The following NKX6-3 variants were observed in gnomAD, a reference collection of about 807,000 sequenced individuals.
NKX6-3 encodes NK6 homeobox 3, also known as homeobox protein Nkx-6.3.
Under a neutral mutation model 22.0 loss-of-function variants are expected in NKX6-3, and 17 were observed. The ratio of observed to expected loss-of-function variants is 0.77; its 90% CI spans 0.53 to 1.16. NKX6-3 has a LOEUF of 1.16. Among genes scored for constraint, NKX6-3 ranks in the 50% most tolerant of loss-of-function variants. NKX6-3 has a pLI of 0.00. For missense variants in NKX6-3, 363 were observed against 359.0 expected, an observed-to-expected ratio of 1.01 and a Z score of -0.09; for synonymous variants, 177 against 167.2, an observed-to-expected ratio of 1.06 and a Z score of -0.45.
Position 41,648,075 on chromosome 8 carries a change from C to G in NKX6-3, c.543G>C (p.Ser181=). ...RLAYSLGMTE[S]QVKVWFQNRR... ...TCCCGCACAGACTTACCTTGACCTGCGACTCGGTCATGCCCAGTGAGTATG... is the reference window on the plus strand; with the variant it reads ...TCCCGCACAGACTTACCTTGACCTGGGACTCGGTCATGCCCAGTGAGTATG... The change falls in exon 2 of 3, where the codon TCG becomes TCC. Residue 181 remains serine (S), a synonymous_variant. Coordinates refer to ENST00000518699, the MANE Select transcript of NKX6-3 (RefSeq NM_001364841.2). 1 of 1,533,614 alleles carries G rather than the reference C, an allele frequency of 6.5e-7. No individual in the cohort carries two copies. Among genetic ancestry groups the G allele is most frequent in the Non-Finnish European group, 8.7e-7 (1 of 1,144,970 alleles).
chr8:41,650,462 G>A lies in NKX6-3; in HGVS notation c.31C>T (p.Leu11=). Residue 11 remains leucine (L), a synonymous_variant, in exon 1 of 3, where the codon CTG becomes TTG. Transcript: ENST00000518699. ...AACTGAGCCAGCGGCGTGTTGTTCAGCAGGAACGTCCCCTGCAGGTTGGAC... is the reference window on the plus strand; with the variant it reads ...AACTGAGCCAGCGGCGTGTTGTTCAACAGGAACGTCCCCTGCAGGTTGGAC... MESNLQGTFL[L]NNTPLAQFPE... 2 of 1,535,684 alleles carry A rather than the reference G, an allele frequency of 1.3e-6. No homozygotes were observed. The highest frequency in any genetic ancestry group is 8.7e-7 in the Non-Finnish European group (1 of 1,146,818).
intron 2 of NKX6-3, 35 bp from the exon 3 acceptor site, chr8:41,646,729 A>G (rs1349851770): frequency 6.6e-7 from 1 of 1,523,206 alleles, no homozygotes; most frequent in Admixed American, 2.3e-5. Flanking sequence ...GCACAGGGGC[A>G]CAGCGCGCAC....
rs965288269 is a variant in NKX6-3, at chr8:41,650,801, C to T, written c.-309G>A. The T allele has an allele frequency of 2.5e-5, 8 of 320,376 alleles. No individual in the cohort carries two copies. The highest frequency in any genetic ancestry group is 1.7e-4 in the African/African-American group (8 of 45,836). 19.8% of individuals were successfully genotyped at this position (320,376 alleles called of 1,614,324 possible). ...CTTTCTGCCTCTGAGTCGGGGGACC[C>T]TCCATGAGAAGTTTTAAGTTCAGAG... On this transcript the variant is annotated 5_prime_UTR_variant, in exon 1 of 3. Coordinates refer to ENST00000518699, the MANE Select transcript of NKX6-3 (RefSeq NM_001364841.2).
intron 2 of NKX6-3, chr8:41,647,429 A>G: frequency 7.0e-7 from 1 of 1,429,184 alleles, no homozygotes; most frequent in Non-Finnish European, 9.2e-7. Context: ...AAGGCGGTAG[A>G]AACCGGTTTC....
At chr8:41,649,064 G>T (rs1289982854) in intron 1 of NKX6-3, among the ~76,000 whole-genome samples, 1 of 152,206 alleles carries the variant, frequency 6.6e-6, no homozygotes, top group Non-Finnish European at 1.5e-5. Context: ...GTGGAGAGGG[G>T]AGGGGGAGAT....
At chr8:41,648,296 G>A (rs915617242) in intron 1 of NKX6-3, 61 bp from the exon 2 acceptor site, 17 of 1,426,410 alleles carry the variant, frequency 1.2e-5, no homozygotes, top group South Asian at 5.4e-5. Flanking sequence ...GGCTAGGCAC[G>A]TCTGGCAGGG....
At chr8:41,648,030 C>A in intron 2 of NKX6-3, 36 bp downstream of exon 2, 3 of 1,496,232 alleles carry the variant, frequency 2.0e-6, no homozygotes, top group Non-Finnish European at 8.9e-7. Flanking sequence ...CAGGCTCCTC[C>A]CTGCAGGGCA....
chr8:41,647,278 CGCAGCGGGTT>C, intron 2 of NKX6-3: 1 of 1,607,130 alleles, frequency 6.2e-7, no homozygotes, highest in Non-Finnish European at 8.5e-7. Flanking sequence ...ATGAGGAGGG[CGCAGCGGGTT>C]GGAGCTCGGG....
chr8:41,646,668 C>G lies in NKX6-3; in HGVS notation c.579G>C (p.Lys193Asn). The stretch of plus-strand genomic sequence containing the variant: ...GCTCCAGGGCGCTCTTCTTCCGCCA[C>G]TTGGTCCTGCGGTTCTGGAACCACA... ...VKVWFQNRRT[K>N]WRKKSALEPS... Residue 193 changes from lysine to asparagine, a missense_variant, in exon 3 of 3, where the codon AAG becomes AAC. Transcript: ENST00000518699. 3 of 1,544,000 alleles carry G rather than the reference C, an allele frequency of 1.9e-6. No individual in the cohort carries two copies. The highest frequency in any genetic ancestry group is 2.6e-6 in the Non-Finnish European group (3 of 1,146,388).
chr8:41,648,335 T>C, intron 1 of NKX6-3, 100 bp from the exon 2 acceptor site: 3 of 1,028,338 alleles, frequency 2.9e-6, no homozygotes, highest in Non-Finnish European at 4.2e-6. Context: ...CTCTCCCTCC[T>C]GCAGAGGTTT....
At chr8:41,647,824 C>T (rs894293422) in intron 2 of NKX6-3, among the ~76,000 whole-genome samples, 4 of 152,148 alleles carry the variant, frequency 2.6e-5, no homozygotes, top group Admixed American at 6.5e-5. Context: ...ATACCGACCC[C>T]CCGGGTTGCT....
At chr8:41,647,161 T>C in intron 2 of NKX6-3, 1 of 1,609,408 alleles carries the variant, frequency 6.2e-7, no homozygotes, top group Non-Finnish European at 8.5e-7. Context: ...GTAGGTCCAT[T>C]GCTTGGGATA....
At chr8:41,647,216 G>C in intron 2 of NKX6-3, 1 of 1,612,910 alleles carries the variant, frequency 6.2e-7, no homozygotes, top group Non-Finnish European at 8.5e-7. Context: ...AAGACATGCA[G>C]GAGTGTCTGC....
In NKX6-3 at chr8:41,646,557, CTCG is replaced by C; in HGVS notation, c.687_689del (p.Asp229del). On this transcript the variant is annotated inframe_deletion, in exon 3 of 3. Coordinates refer to ENST00000518699, the MANE Select transcript of NKX6-3 (RefSeq NM_001364841.2). ...AGTCGGGGTCCAGCGGCTTGTTGTA[CTCG>C]TCGTCCTCGTTCTCCGAGGGTGCGC... is the stretch of plus-strand genomic sequence containing the variant. 4 of 1,607,740 alleles carry C rather than the reference CTCG, an allele frequency of 2.5e-6. No homozygotes were observed. Among genetic ancestry groups the C allele is most frequent in the Non-Finnish European group, 8.5e-7 (1 of 1,177,482 alleles).
intron 2 of NKX6-3, chr8:41,647,452 T>A (rs1325725038): frequency 3.8e-6 from 5 of 1,328,534 alleles, no homozygotes; most frequent in African/African-American, 1.5e-5. Context: ...CGGGTCTATT[T>A]AGGGGGCATT....
At position 41,646,213 on chromosome 8, in the gene NKX6-3, C is replaced by T; in HGVS notation, c.*236G>A. On this transcript the variant is annotated 3_prime_UTR_variant, in exon 3 of 3. Coordinates refer to ENST00000518699, the MANE Select transcript of NKX6-3 (RefSeq NM_001364841.2). ...CAGGTCTCAGGAGTGCTGTGCCTCC[C>T]TCCTGGCCTCCTCCTCCCTTAGCTA... is the stretch of plus-strand genomic sequence containing the variant. The T allele has an allele frequency of 1.6e-6, 1 of 611,720 alleles. No homozygotes were observed. Among genetic ancestry groups the T allele is most frequent in the South Asian group, 2.0e-5 (1 of 49,576 alleles). 37.9% of individuals were successfully genotyped at this position (611,720 alleles called of 1,614,324 possible).
Position 41,646,287 on chromosome 8 carries a change from C to T in NKX6-3, c.*162G>A, listed in dbSNP as rs961204997. 6.1e-5 allele frequency: 58 copies of T among 956,062 alleles called. No individual in the cohort carries two copies. Among genetic ancestry groups the T allele is most frequent in the Non-Finnish European group, 7.2e-5 (47 of 656,246 alleles). 59.2% of individuals were successfully genotyped at this position (956,062 alleles called of 1,614,324 possible). A position where few individuals can be genotyped will look rare whatever the true frequency, so the allele number is the denominator to read the frequency against. Reference sequence around the variant, plus strand: ...TTTTCCTCCTCCTCCCCCGCCTCCCCTCCTCCTCCCCTGCACCTGCTGCTC... The same window carrying T: ...TTTTCCTCCTCCTCCCCCGCCTCCCTTCCTCCTCCCCTGCACCTGCTGCTC... On this transcript the variant is annotated 3_prime_UTR_variant, in exon 3 of 3. Transcript: ENST00000518699.
In NKX6-3 at chr8:41,650,750, G is replaced by C; in HGVS notation, c.-258C>G. On this transcript the variant is annotated 5_prime_UTR_variant, in exon 1 of 3. Transcript: ENST00000518699. ...CTCCTTGCCCTGGCCGGACAGGGTG[G>C]CCCCCTAAGCCTCAGCTCAGACCCC... The C allele has an allele frequency of 2.1e-6, 1 of 466,322 alleles. No individual in the cohort carries two copies. Among genetic ancestry groups the C allele is most frequent in the South Asian group, 2.4e-5 (1 of 40,842 alleles). 28.9% of individuals were successfully genotyped at this position (466,322 alleles called of 1,614,324 possible).
intron 2 of NKX6-3, 37 bp from the exon 3 acceptor site, chr8:41,646,731 A>G: frequency 6.6e-7 from 1 of 1,521,600 alleles, no homozygotes; most frequent in Non-Finnish European, 8.8e-7. Context: ...ACAGGGGCAC[A>G]GCGCGCACGG....
Sources: gnomAD v4.1 joint callset for allele counts (sites outside exome capture counted in the v4.1 genomes callset) on GRCh38, gnomAD v4.1.1 for gene constraint, MANE v1.5 for transcripts, NCBI Gene and HGNC (gene_info 2026-07-23, HGNC 2026-07-21) for gene names.